Variants in LARS1 observed in about 807,000 individuals in gnomAD.
LARS1 encodes the protein leucyl-tRNA synthetase 1, also known as leucine--tRNA ligase, cytoplasmic.
A neutral mutation model predicts 162.8 loss-of-function variants in LARS1; 100 were observed. That is an observed-to-expected ratio of 0.61 (90% CI 0.52 to 0.73). The LOEUF is 0.73. Among genes scored for constraint, LARS1 ranks in the 30% least tolerant of loss-of-function variants. The pLI is 0.00. For missense variants in LARS1, 1,258 were observed against 1,408.9 expected, an observed-to-expected ratio of 0.89 and a Z score of 1.71; for synonymous variants, 457 against 462.8, an observed-to-expected ratio of 0.99 and a Z score of 0.16.
chr5:146,176,721 C>G (rs932667360), intron 2 of LARS1, among the ~76,000 whole-genome samples: 2 of 151,954 alleles, frequency 1.3e-5, no homozygotes, highest in African/African-American at 2.4e-5. Flanking sequence ...TCCCAAATAT[C>G]ATGTCATGAT....
chr5:146,174,523 T>C (rs1274277980), intron 2 of LARS1, among the ~76,000 whole-genome samples: 3,778 of 14,728 alleles, frequency 0.26, 397 homozygotes, highest in African/African-American at 0.37. Flanking sequence ...TATATATCCA[T>C]ATATATATAT....
intron 29 of LARS1, 67 bp downstream of exon 29, chr5:146,123,914 TA>T: frequency 1.3e-6 from 1 of 752,066 alleles, no homozygotes; most frequent in Non-Finnish European, 2.1e-6. Flanking sequence ...AGGTTTATTA[TA>T]AAATAAAAGA....
At chr5:146,166,506 T>A (rs926683404) in intron 5 of LARS1, among the ~76,000 whole-genome samples, 1 of 152,086 alleles carries the variant, frequency 6.6e-6, no homozygotes, top group African/African-American at 2.4e-5. Context: ...GCCCCAGAGC[T>A]GAAGACCAGC....
chr5:146,157,588 G>C lies in LARS1; in HGVS notation c.880C>G (p.Leu294Val), dbSNP rs1753587777. 5 of 1,614,036 alleles carry C rather than the reference G, an allele frequency of 3.1e-6. No homozygotes were observed. In the East Asian group the frequency reaches 1.1e-4, roughly 36 times the overall value. Residue 294 changes from leucine to valine, a missense_variant, in exon 10 of 32, where the codon CTC (leucine) becomes GTC (valine). By Grantham distance (32) the Leu-to-Val change is conservative. Coordinates refer to ENST00000394434, the MANE Select transcript of LARS1 (RefSeq NM_020117.11). ...TGCCCAAACATGGTCTCAGGTCTGA[G>C]AGTAGCAGCCACCAAGAAAATATTT... ...GKNIFLVAAT[L>V]RPETMFGQTN...
chr5:146,143,775 G>A (rs1227355874), intron 18 of LARS1, among the ~76,000 whole-genome samples: 2 of 151,982 alleles, frequency 1.3e-5, no homozygotes, highest in Admixed American at 1.3e-4. Flanking sequence ...AAGGCAGGTG[G>A]ATCACCTGAG....
chr5:146,159,584 T>C, intron 7 of LARS1, 114 bp from the exon 8 acceptor site: 1 of 720,640 alleles, frequency 1.4e-6, no homozygotes, highest in Non-Finnish European at 2.4e-6. Context: ...AATTTCTGAG[T>C]AGATATCTGT....
At chr5:146,164,223 C>T in intron 6 of LARS1, 87 bp downstream of exon 6, 3 of 1,332,064 alleles carry the variant, frequency 2.3e-6, no homozygotes, top group South Asian at 2.6e-5. Flanking sequence ...TAAAAAAAAT[C>T]CATGTCTGGA....
intron 15 of LARS1, among the ~76,000 whole-genome samples, chr5:146,148,008 A>G (rs765038754): frequency 2.0e-5 from 3 of 152,264 alleles, no homozygotes; most frequent in Non-Finnish European, 2.9e-5. Flanking sequence ...CCAAAAGATG[A>G]TGAGGTAATA....
rs1291324025 is a variant in LARS1, at chr5:146,144,349, T to C, written c.1656A>G (p.Thr552=). Residue 552 remains threonine, a splice_region_variant and synonymous_variant, in exon 18 of 32, where the codon ACA becomes ACG. Transcript: ENST00000394434. ...AATTCCTCCTGGTCTCCTCACAGAA[T>C]CTAGAAAAGAGCAAAAGACAAAGTG... is the stretch of plus-strand genomic sequence containing the variant. The part of the protein sequence containing the change: ...QTSQCLKNLE[T]FCEETRRNFE... The C allele has an allele frequency of 1.2e-6, 2 of 1,611,556 alleles. No homozygotes were observed. The highest frequency in any genetic ancestry group is 2.2e-5 in the South Asian group (2 of 90,420).
chr5:146,128,009 T>C (rs1164752628), intron 27 of LARS1, among the ~76,000 whole-genome samples: 3 of 152,150 alleles, frequency 2.0e-5, no homozygotes, highest in Non-Finnish European at 2.9e-5. Flanking sequence ...CATCTAGCAA[T>C]AACTGTTTTA....
At chr5:146,118,617 C>T (rs1463506953) in intron 31 of LARS1, among the ~76,000 whole-genome samples, 3 of 152,124 alleles carry the variant, frequency 2.0e-5, no homozygotes, top group Non-Finnish European at 4.4e-5. Flanking sequence ...CCAAACCTCA[C>T]ACTGTACTCA....
intron 21 of LARS1, 76 bp downstream of exon 21, chr5:146,140,128 T>A: frequency 8.8e-7 from 1 of 1,140,562 alleles, no homozygotes; most frequent in South Asian, 1.2e-5. Flanking sequence ...TACATACATT[T>A]AAAAAAAAGT....
At chr5:146,123,638 C>T (rs1440496287) in intron 29 of LARS1, among the ~76,000 whole-genome samples, 3 of 151,450 alleles carry the variant, frequency 2.0e-5, no homozygotes, top group Non-Finnish European at 4.4e-5. Context: ...GGAAAAAAGG[C>T]AACAATTCAG....
intron 31 of LARS1, among the ~76,000 whole-genome samples, chr5:146,117,606 T>C (rs891109025): frequency 1.3e-5 from 2 of 152,156 alleles, no homozygotes; most frequent in African/African-American, 2.4e-5. Context: ...GGAGACTCTA[T>C]CTCAAAATAA....
intron 31 of LARS1, 31 bp downstream of exon 31, chr5:146,120,340 T>G (rs1157159876): frequency 1.9e-6 from 3 of 1,610,694 alleles, no homozygotes; most frequent in Non-Finnish European, 2.5e-6. Flanking sequence ...TACAAGCTAC[T>G]GACAAATGGG....
At chr5:146,125,352 A>G (rs1345142647) in intron 28 of LARS1, among the ~76,000 whole-genome samples, 1 of 152,002 alleles carries the variant, frequency 6.6e-6, no homozygotes, top group Admixed American at 6.6e-5. Context: ...CAAGAATACT[A>G]ATCTATTATA....
In LARS1 at chr5:146,113,954, T is replaced by G; in HGVS notation, c.*152A>C. 1 of 640,880 alleles carries G rather than the reference T, an allele frequency of 1.6e-6. No homozygotes were observed. Among genetic ancestry groups the G allele is most frequent in the East Asian group, 2.6e-5 (1 of 38,160 alleles). 39.7% of individuals were successfully genotyped at this position (640,880 alleles called of 1,614,324 possible). On this transcript the variant is annotated 3_prime_UTR_variant, in exon 32 of 32. Coordinates refer to ENST00000394434, the MANE Select transcript of LARS1 (RefSeq NM_020117.11). ...ATTAGGTCCAGGAATCAAAGATGAC[T>G]TGATAGAATTATGAATACATGCAGA...
intron 20 of LARS1, 118 bp from the exon 21 acceptor site, chr5:146,140,379 G>A: frequency 1.4e-6 from 1 of 734,298 alleles, no homozygotes; most frequent in Non-Finnish European, 2.4e-6. Context: ...AAAGTGCAAG[G>A]ATATACACTA....
chr5:146,160,477 G>T lies in LARS1; in HGVS notation c.604C>A (p.Arg202Ser). 6.5e-7 allele frequency: 1 copy of T among 1,531,962 alleles called. No individual in the cohort carries two copies. The highest frequency in any genetic ancestry group is 8.8e-7 in the Non-Finnish European group (1 of 1,142,546). The allele number at this position is 1,531,962 out of a possible 1,614,324, so 94.9% of individuals were successfully genotyped here. ...LKRMGLKVDWRRSFITTDVNP... is the reference protein window; with the variant it reads ...LKRMGLKVDWSRSFITTDVNP... ...ACATCAGTGGTGATGAAGGAACGAC[G>T]CCAGTCTACCTATAAAAGGAAAATT... The change falls in exon 7 of 32, where the codon CGT (arginine) becomes AGT (serine). Residue 202 changes from arginine to serine, a missense_variant. Coordinates refer to ENST00000394434, the MANE Select transcript of LARS1 (RefSeq NM_020117.11).
Sources: gnomAD v4.1 joint callset for allele counts (sites outside exome capture counted in the v4.1 genomes callset) on GRCh38, gnomAD v4.1.1 for gene constraint, MANE v1.5 for transcripts, NCBI Gene and HGNC (gene_info 2026-07-23, HGNC 2026-07-21) for gene names.